Variants in BAZ2B observed in about 807,000 individuals in gnomAD.
BAZ2B encodes the protein bromodomain adjacent to zinc finger domain protein 2B.
Under a neutral mutation model 246.0 loss-of-function variants are expected in BAZ2B, and 91 were observed. That is an observed-to-expected ratio of 0.37 (90% CI 0.31 to 0.44). The LOEUF is 0.44. BAZ2B is among the 20% of genes least tolerant of loss of function. The pLI, the probability that BAZ2B is intolerant of heterozygous loss-of-function variation, is 1.00. For missense variants in BAZ2B, 2,332 were observed against 2,533.7 expected, an observed-to-expected ratio of 0.92 and a Z score of 1.71; for synonymous variants, 855 against 860.0, an observed-to-expected ratio of 0.99 and a Z score of 0.10.
the BAZ2B span, among the ~76,000 whole-genome samples, chr2:159,679,271 C>CAAAAAA: frequency 1.6e-5 from 1 of 64,456 alleles, no homozygotes; most frequent in Non-Finnish European, 2.9e-5. Context: ...GACTTCATCT[C>CAAAAAA]AAAAAAAAAA....
the BAZ2B span, chr2:159,689,425 G>A: frequency 4.1e-6 from 1 of 245,068 alleles, no homozygotes; most frequent in Admixed American, 6.4e-5. Context: ...AGGCTAGAGT[G>A]CAGTGGCACG....
the BAZ2B span, chr2:159,689,899 A>C: frequency 2.5e-6 from 1 of 395,670 alleles, no homozygotes; most frequent in Non-Finnish European, 4.7e-6. Context: ...GTATTTTAGT[A>C]AAGTCAACAC....
At chr2:159,704,972 G>C in the BAZ2B span, among the ~76,000 whole-genome samples, 13 of 151,532 alleles carry the variant, frequency 8.6e-5, no homozygotes, top group South Asian at 2.3e-3. Context: ...AAAGTGATGG[G>C]ATTACGAGCC....
chr2:159,493,179 T>C (rs1000871312), intron 2 of BAZ2B, among the ~76,000 whole-genome samples: 2 of 152,182 alleles, frequency 1.3e-5, no homozygotes, highest in Admixed American at 1.3e-4. Context: ...AAAATCAATG[T>C]ATCAAAAGTA....
rs559608422 is a variant in BAZ2B at position 159,432,747 on chromosome 2, T to C, written c.1900+10A>G. On this transcript the variant is annotated intron_variant, in intron 9 of 36. Transcript: ENST00000392783. ...TAGAGAAATACTTTAAATTTTAAAATGAAAATAACCTGATTGGCTGTCATC... is the reference window on the plus strand; with the variant it reads ...TAGAGAAATACTTTAAATTTTAAAACGAAAATAACCTGATTGGCTGTCATC... 1.9e-6 allele frequency: 3 copies of C among 1,599,924 alleles called. No homozygotes were observed. The African/African-American group carries it at 4.0e-5, about 22-fold the overall frequency.
chr2:159,701,303 A>G, the BAZ2B span, among the ~76,000 whole-genome samples: 3 of 152,152 alleles, frequency 2.0e-5, no homozygotes, highest in Admixed American at 6.5e-5. Context: ...TTAGTTATAG[A>G]CACAAACAGA....
At chr2:159,624,321 C>T in the BAZ2B span, among the ~76,000 whole-genome samples, 2 of 152,204 alleles carry the variant, frequency 1.3e-5, no homozygotes, top group Non-Finnish European at 2.9e-5. Flanking sequence ...GCGGATATCC[C>T]AGCACAGTGT....
chr2:159,390,222 C>A (rs1219991299), intron 20 of BAZ2B, among the ~76,000 whole-genome samples: 1 of 152,142 alleles, frequency 6.6e-6, no homozygotes, highest in African/African-American at 2.4e-5. Flanking sequence ...TTTTGTAAGG[C>A]TGATTATATC....
chr2:159,410,068 T>C lies in BAZ2B; in HGVS notation c.2677+2267A>G, dbSNP rs192438413. Among the ~76,000 whole-genome samples the C allele has an allele frequency of 2.2e-3, 330 of 152,354 alleles. 2 individuals carry two copies. Among genetic ancestry groups the C allele is most frequent in the African/African-American group, 7.8e-3 (325 of 41,574 alleles). On this transcript the variant is annotated intron_variant, in intron 14 of 36. Transcript: ENST00000392783. ...TCTAATGATAATTAGATACGGCAAA[T>C]ATCCATGAAGATCCCATGTTTTGAT...
intron 2 of BAZ2B, among the ~76,000 whole-genome samples, chr2:159,537,497 T>C (rs1295907025): frequency 2.6e-5 from 4 of 152,256 alleles, no homozygotes; most frequent in Admixed American, 1.3e-4. Context: ...GTATGTTTAA[T>C]GAATGTTTAA....
intron 3 of BAZ2B, chr2:159,463,025 CTG>C: frequency 1.3e-6 from 1 of 745,894 alleles, no homozygotes; most frequent in East Asian, 2.4e-5. Flanking sequence ...CCCCCATGCT[CTG>C]TAATTATGAC....
intron 2 of BAZ2B, among the ~76,000 whole-genome samples, chr2:159,503,360 CATG>C (rs1470991719): frequency 2.6e-5 from 4 of 152,126 alleles, no homozygotes; most frequent in Non-Finnish European, 4.4e-5. Flanking sequence ...GTTTTTAGTG[CATG>C]ATGTTTGTTC....
At position 159,478,619 on chromosome 2, in the gene BAZ2B, A is replaced by G; in HGVS notation, c.101T>C (p.Leu34Pro). The G allele has an allele frequency of 6.2e-7, 1 of 1,612,032 alleles. No individual in the cohort carries two copies. Among genetic ancestry groups the G allele is most frequent in the South Asian group, 1.1e-5 (1 of 90,838 alleles). The change falls in exon 3 of 37, where the codon CTT becomes CCT. Residue 34 changes from leucine to proline, a missense_variant. Around this residue, in one of 9 missense-constraint regions of BAZ2B, gnomAD observed 242 missense variants for 237.4 expected, o/e 1.02. Transcript: ENST00000392783. ...GCTAAGTGAAGCAACTCCAGTGGAA[A>G]GGCCACCTTTTGAAACTACTGAAGC... The part of the protein sequence containing the change: ...SVASVVSKGG[L>P]STGVASLSST...
chr2:159,615,554 A>G (rs1455592718), intron 1 of BAZ2B: 3 of 152,264 alleles, frequency 2.0e-5, no homozygotes, highest in African/African-American at 4.8e-5. Flanking sequence ...CTAGAGGCCC[A>G]AGCCGGGGAG....
chr2:159,428,723 G>A (rs1016076665), intron 11 of BAZ2B, among the ~76,000 whole-genome samples: 2 of 152,048 alleles, frequency 1.3e-5, no homozygotes, highest in African/African-American at 4.8e-5. Flanking sequence ...TTTTACATCT[G>A]AAAAGCTTTA....
chr2:159,567,789 T>C (rs567797049), intron 1 of BAZ2B, among the ~76,000 whole-genome samples: 4 of 152,160 alleles, frequency 2.6e-5, no homozygotes, highest in South Asian at 2.1e-4. Flanking sequence ...CTGACCAACA[T>C]GGTGAAACCC....
chr2:159,584,358 G>A (rs72960258), intron 1 of BAZ2B, among the ~76,000 whole-genome samples: 9,897 of 152,178 alleles, frequency 0.065, 449 homozygotes, highest in East Asian at 0.22. Flanking sequence ...TTGACCTCAT[G>A]ATCCTACCCA....
chr2:159,316,788 A>G (rs2062176673), downstream of BAZ2B, among the ~76,000 whole-genome samples: 1 of 151,122 alleles, frequency 6.6e-6, no homozygotes, highest in Non-Finnish European at 1.5e-5. Flanking sequence ...CAGGCAGATC[A>G]TCTGAGTTTG....
At chr2:159,503,309 A>G (rs924423853) in intron 2 of BAZ2B, among the ~76,000 whole-genome samples, 2 of 152,070 alleles carry the variant, frequency 1.3e-5, no homozygotes, top group African/African-American at 4.8e-5. Flanking sequence ...ACTTCTTGCC[A>G]TTCCCAAATA....
Sources: gnomAD v4.1 joint callset for allele counts (sites outside exome capture counted in the v4.1 genomes callset) on GRCh38, gnomAD v4.1.1 for gene constraint, gnomAD v4.1.1 regional missense constraint, MANE v1.5 for transcripts, NCBI Gene and HGNC (gene_info 2026-07-23, HGNC 2026-07-21) for gene names.